The following SLC11A2 variants were observed in gnomAD, a reference collection of about 807,000 sequenced individuals.
SLC11A2 encodes the protein solute carrier family 11 member 2.
SLC11A2 carries 38 observed loss-of-function variants against 68.0 expected under a neutral mutation model. That is an observed-to-expected ratio of 0.56 (90% CI 0.43 to 0.73). The LOEUF is 0.73. SLC11A2 is among the 30% of genes least tolerant of loss of function. SLC11A2 has a pLI of 0.00. For missense variants in SLC11A2, 517 were observed against 690.5 expected (o/e 0.75, Z 2.82); for synonymous variants, 242 against 250.6 (o/e 0.97, Z 0.32).
the SLC11A2 span, among the ~76,000 whole-genome samples, chr12:50,960,683 T>C: frequency 2.1e-5 from 3 of 145,254 alleles, no homozygotes; most frequent in Non-Finnish European, 4.5e-5. Context: ...ATTTAACCCA[T>C]ACATTTTTTT....
In SLC11A2 at chr12:51,026,311, T is replaced by G. The variant is rs1944385513; in HGVS notation, c.-40A>C. 2 of 1,264,524 alleles carry G rather than the reference T, an allele frequency of 1.6e-6. No individual in the cohort carries two copies. The highest frequency in any genetic ancestry group is 2.3e-5 in the Admixed American group (1 of 43,156). The allele number at this position is 1,264,524 out of a possible 1,614,324, so 78.3% of individuals were successfully genotyped here. A position where few individuals can be genotyped will look rare whatever the true frequency, so the allele number is the denominator to read the frequency against. ...CCCCTGACCTTGCCTTCCCCTCACCTTACCAGCTCCGCAACCACCTGACAC... is the reference window on the plus strand; with the variant it reads ...CCCCTGACCTTGCCTTCCCCTCACCGTACCAGCTCCGCAACCACCTGACAC... On this transcript the variant is annotated splice_region_variant and 5_prime_UTR_variant, in exon 1 of 16. An upstream open reading frame in the 5' UTR loses its in-frame stop. Transcript: ENST00000262052.
At position 51,013,830 on chromosome 12, in the gene SLC11A2, AT is replaced by A. The variant is rs995486940; in HGVS notation, c.-38-3065del. On this transcript the variant is annotated intron_variant, in intron 1 of 15. Coordinates refer to ENST00000262052, the MANE Select transcript of SLC11A2 (RefSeq NM_000617.3). Reference sequence around the variant, plus strand: ...GGCAAAACAGGCCTTAAAAGTTTTTATTTTTTTTTGAGATGGAGTCTCACTC... The same window carrying A: ...GGCAAAACAGGCCTTAAAAGTTTTTATTTTTTTTGAGATGGAGTCTCACTC... Among the ~76,000 whole-genome samples the A allele has an allele frequency of 1.2e-4, 18 of 150,120 alleles. No individual in the cohort carries two copies. The East Asian group carries it at 2.0e-3, about 16-fold the overall frequency.
intron 2 of SLC11A2, chr12:51,009,418 TAC>T (rs966033542): frequency 3.3e-6 from 2 of 612,346 alleles, no homozygotes; most frequent in African/African-American, 3.8e-5. Flanking sequence ...CTGCCAGAAA[TAC>T]ACAGAGCCTA....
At chr12:50,998,059 C>T (rs2136229892) in intron 8 of SLC11A2, among the ~76,000 whole-genome samples, 1 of 149,278 alleles carries the variant, frequency 6.7e-6, no homozygotes, top group Middle Eastern at 3.9e-3. Context: ...CCACAAGGCT[C>T]AAAAATATAC....
chr12:51,012,834 C>T (rs1425436323), intron 1 of SLC11A2, among the ~76,000 whole-genome samples: 1 of 152,142 alleles, frequency 6.6e-6, no homozygotes, highest in Non-Finnish European at 1.5e-5. Flanking sequence ...TAAACATCAG[C>T]CAACAGCCCC....
intron 1 of SLC11A2, among the ~76,000 whole-genome samples, chr12:51,022,584 A>C (rs903948293): frequency 3.3e-5 from 5 of 152,126 alleles, no homozygotes; most frequent in African/African-American, 4.8e-5. Context: ...CATTTTTCCT[A>C]ATGATGGATA....
downstream of SLC11A2, among the ~76,000 whole-genome samples, chr12:50,983,475 G>T (rs910000188): frequency 1.3e-5 from 2 of 152,130 alleles, no homozygotes; most frequent in African/African-American, 2.4e-5. Context: ...ATGGCCTTCA[G>T]CATGTCACAT....
At chr12:50,960,827 C>T in the SLC11A2 span, 5,787 of 634,914 alleles carry the variant, frequency 9.1e-3, 276 homozygotes, top group African/African-American at 0.098. Context: ...GGACTACAGA[C>T]GTGTATCACC....
rs10602867 is a variant in SLC11A2 at position 51,008,223 on chromosome 12, C to CAGATAGAT, written c.183+245_183+252dup. On this transcript the variant is annotated intron_variant, in intron 3 of 15. Transcript: ENST00000262052. ...CTGTCTGTAAAAAAGATTAGATAGA[C>CAGATAGAT]AGATAGATAGATAGATAGATAGATA... The CAGATAGAT allele has an allele frequency of 6.2e-3, 2,240 of 359,654 alleles. 11 individuals are homozygous for CAGATAGAT. Among genetic ancestry groups the CAGATAGAT allele is most frequent in the African/African-American group, 0.019 (844 of 44,712 alleles). 22.3% of individuals were successfully genotyped at this position (359,654 alleles called of 1,614,324 possible).
At chr12:51,004,706 T>C (rs41404044) in intron 5 of SLC11A2, 82 bp downstream of exon 5, 22 of 1,524,914 alleles carry the variant, frequency 1.4e-5, no homozygotes, top group South Asian at 4.6e-5. Flanking sequence ...TGTCTCACTA[T>C]AGAATGAGGC....
chr12:50,989,074 C>CGGGGAG (rs1244193072), intron 15 of SLC11A2, among the ~76,000 whole-genome samples: 18 of 152,248 alleles, frequency 1.2e-4, no homozygotes, highest in Middle Eastern at 6.8e-3. Flanking sequence ...CTCAGTCCTC[C>CGGGGAG]CCATGATAAG....
At chr12:50,996,297 G>A (rs1474075518) in intron 9 of SLC11A2, among the ~76,000 whole-genome samples, 4 of 152,180 alleles carry the variant, frequency 2.6e-5, no homozygotes, top group Non-Finnish European at 5.9e-5. Flanking sequence ...AGTCCCAGCT[G>A]GGTGCAGTAG....
chr12:51,005,696 T>C (rs1021504811), intron 3 of SLC11A2: 8 of 1,316,998 alleles, frequency 6.1e-6, no homozygotes, highest in Non-Finnish European at 6.0e-6. Context: ...AGAATAACAG[T>C]ATCAGTACCT....
the SLC11A2 span, among the ~76,000 whole-genome samples, chr12:50,969,630 C>T: frequency 6.7e-6 from 1 of 149,694 alleles, no homozygotes; most frequent in Non-Finnish European, 1.5e-5. Flanking sequence ...ACCTGGGAAG[C>T]GGAGGTTGCA....
At chr12:50,999,623 T>A in intron 6 of SLC11A2, 2 of 590,830 alleles carry the variant, frequency 3.4e-6, no homozygotes, top group Non-Finnish European at 6.0e-6. Flanking sequence ...GAGAGTCTAC[T>A]ATGTCACTCT....
Position 50,986,844 on chromosome 12 carries a change from C to T in SLC11A2, c.*1481G>A. On this transcript the variant is annotated 3_prime_UTR_variant, in exon 16 of 16. Transcript: ENST00000262052. The stretch of plus-strand genomic sequence containing the variant: ...TAAAAGACCATCCATCCAGTCTGCG[C>T]TTTTGACTGTGTGCAAGTATCAGTA... 1 of 1,287,198 alleles carries T rather than the reference C, an allele frequency of 7.8e-7. No individual in the cohort carries two copies. The highest frequency in any genetic ancestry group is 1.0e-6 in the Non-Finnish European group (1 of 988,688). The allele number at this position is 1,287,198 out of a possible 1,614,324, so 79.7% of individuals were successfully genotyped here.
intron 5 of SLC11A2, among the ~76,000 whole-genome samples, chr12:51,001,540 A>G (rs1309643703): frequency 6.6e-6 from 1 of 151,412 alleles, no homozygotes. Flanking sequence ...TGCCTACGGA[A>G]TAGCCTTTCT....
the SLC11A2 span, among the ~76,000 whole-genome samples, chr12:50,956,863 G>A: frequency 6.6e-6 from 1 of 152,132 alleles, no homozygotes; most frequent in Non-Finnish European, 1.5e-5. Context: ...TCCAGAGCAG[G>A]AAGCATGTTC....
intron 15 of SLC11A2, among the ~76,000 whole-genome samples, chr12:50,989,481 ACT>A: frequency 6.6e-6 from 1 of 152,034 alleles, no homozygotes; most frequent in African/African-American, 2.4e-5. Context: ...ATAGAGAAAA[ACT>A]CTGTCTCAAA....
Sources: gnomAD v4.1 joint callset for allele counts (sites outside exome capture counted in the v4.1 genomes callset) on GRCh38, gnomAD v4.1.1 for gene constraint, MANE v1.5 for transcripts, NCBI Gene and HGNC (gene_info 2026-07-23, HGNC 2026-07-21) for gene names.